The following CAPS2 variants were observed in gnomAD, a reference collection of about 807,000 sequenced individuals.
The protein encoded by CAPS2 is calcyphosine 2, also known as calcyphosin-2.
A neutral mutation model predicts 86.5 loss-of-function variants in CAPS2; 98 were observed. The observed-to-expected ratio is 1.13, with a 90% CI of 0.96 to 1.34. The LOEUF (loss-of-function observed/expected upper bound fraction) is 1.34, where lower values mean the gene tolerates loss of function less well. Ranked by LOEUF, CAPS2 falls within the 40% of genes most tolerant of loss-of-function variation. The probability of loss-of-function intolerance (pLI) is 0.00; values close to 1 mark genes in which losing one functional copy is unlikely to be tolerated. For synonymous variants in CAPS2, 210 were observed against 225.1 expected (o/e 0.93, Z 0.60); for missense variants, 729 against 686.8 (o/e 1.06, Z -0.69).
chr12:75,298,397 A>C, intron 11 of CAPS2: 1 of 362,974 alleles, frequency 2.8e-6, no homozygotes, highest in Non-Finnish European at 5.0e-6. Flanking sequence ...GCTTTGAAGA[A>C]CTTTTCAAAG....
At chr12:75,310,652 C>T (rs546553238) in intron 7 of CAPS2, among the ~76,000 whole-genome samples, 273 of 152,186 alleles carry the variant, frequency 1.8e-3, no homozygotes, top group Non-Finnish European at 2.5e-3. Context: ...ACTTTCTCAC[C>T]CCTTGACCTT....
intron 1 of CAPS2, among the ~76,000 whole-genome samples, chr12:75,364,594 CAACA>C (rs2043840984): frequency 6.6e-6 from 1 of 152,092 alleles, no homozygotes; most frequent in Non-Finnish European, 1.5e-5. Flanking sequence ...ATATAAAAGC[CAACA>C]AACAAAAACA....
intron 1 of CAPS2, among the ~76,000 whole-genome samples, chr12:75,365,994 A>C (rs1185060036): frequency 6.6e-6 from 1 of 152,204 alleles, no homozygotes; most frequent in Non-Finnish European, 1.5e-5. Context: ...CCAGGGATAA[A>C]TATGAATCCA....
At chr12:75,370,393 C>T (rs1033618900) in intron 1 of CAPS2, 2 of 390,102 alleles carry the variant, frequency 5.1e-6, no homozygotes, top group South Asian at 5.4e-5. Context: ...ATTACAAATC[C>T]ATATGTGTAT....
rs531357408 is a variant in CAPS2 at position 75,346,422 on chromosome 12, G to T, written c.-394-23200C>A. ...TTTTTTTTTTTTGAGACGGAGTCTC[G>T]CCCTGTAACCCAGACTGGAGTACAG... is the stretch of plus-strand genomic sequence containing the variant. On this transcript the variant is annotated intron_variant, in intron 1 of 5. Coordinates refer to the CAPS2 transcript ENST00000551829. Among the ~76,000 whole-genome samples the T allele has an allele frequency of 7.4e-5, 11 of 149,636 alleles. No homozygotes were observed. In the South Asian group the frequency reaches 2.3e-3, roughly 32 times the overall value.
intron 16 of CAPS2, among the ~76,000 whole-genome samples, chr12:75,281,582 T>A (rs1236012182): frequency 6.6e-6 from 1 of 151,958 alleles, no homozygotes; most frequent in East Asian, 1.9e-4. Flanking sequence ...AGCATGCACA[T>A]AGCCATGAAA....
At chr12:75,339,268 T>C (rs969595347) in intron 1 of CAPS2, among the ~76,000 whole-genome samples, 2 of 152,150 alleles carry the variant, frequency 1.3e-5, no homozygotes, top group Non-Finnish European at 2.9e-5. Context: ...AGCACCTGTT[T>C]CTGGACTTTT....
At chr12:75,305,908 C>A in intron 7 of CAPS2, 1 of 894,702 alleles carries the variant, frequency 1.1e-6, no homozygotes, top group Non-Finnish European at 1.8e-6. Flanking sequence ...GTCCAACCTC[C>A]ACACCATGAA....
intron 7 of CAPS2, chr12:75,306,251 T>A: frequency 1.6e-6 from 1 of 638,504 alleles, no homozygotes; most frequent in South Asian, 1.8e-5. Flanking sequence ...AATCATGGAG[T>A]TCCTGGCCAG....
intron 16 of CAPS2, among the ~76,000 whole-genome samples, chr12:75,281,391 G>C (rs1165294798): frequency 6.6e-6 from 1 of 151,814 alleles, no homozygotes; most frequent in Non-Finnish European, 1.5e-5. Context: ...CTAGGTAAAT[G>C]ATAGTATATT....
intron 6 of CAPS2, among the ~76,000 whole-genome samples, chr12:75,314,896 T>A (rs1427816209): frequency 1.3e-5 from 2 of 152,124 alleles, no homozygotes; most frequent in African/African-American, 4.8e-5. Context: ...CAAGCAGAAG[T>A]GACACTGATG....
At chr12:75,334,859 G>C (rs751854473), upstream of CAPS2, 8 of 1,614,018 alleles carry the variant, frequency 5.0e-6, no homozygotes, top group Non-Finnish European at 6.8e-6. Flanking sequence ...CACAACGAAT[G>C]GCGTGGCAAA....
intron 1 of CAPS2, among the ~76,000 whole-genome samples, chr12:75,361,931 T>G (rs1463158120): frequency 2.0e-5 from 3 of 151,948 alleles, no homozygotes; most frequent in African/African-American, 7.3e-5. Context: ...TATAAAAACT[T>G]TAGAAGAAAA....
In CAPS2 at chr12:75,345,488, C is replaced by T. The variant is rs914119868; in HGVS notation, c.-394-22266G>A. ...GAGCTAACCTTCTTCTCTAGACTTA[C>T]CCATTTGTATAAGTTGAATTAATAT... is the stretch of plus-strand genomic sequence containing the variant. On this transcript the variant is annotated intron_variant, in intron 1 of 5. Transcript: ENST00000551829. Among the ~76,000 whole-genome samples, 11 of 152,186 alleles carry T rather than the reference C, an allele frequency of 7.2e-5. No homozygotes were observed. The South Asian group carries it at 1.9e-3, about 26-fold the overall frequency.
chr12:75,313,590 T>A (rs2039450036), intron 6 of CAPS2, among the ~76,000 whole-genome samples: 1 of 152,204 alleles, frequency 6.6e-6, no homozygotes, highest in Admixed American at 6.5e-5. Flanking sequence ...CTGGTAATCA[T>A]TTAATTCAAA....
chr12:75,364,140 T>C (rs1459853495), intron 1 of CAPS2, among the ~76,000 whole-genome samples: 1 of 152,252 alleles, frequency 6.6e-6, no homozygotes, highest in African/African-American at 2.4e-5. Context: ...GAGTCTCTTC[T>C]ATTAGACTTA....
chr12:75,298,841 CCA>C lies in CAPS2; in HGVS notation c.950+28_950+29del, dbSNP rs752262856. On this transcript the variant is annotated intron_variant, in intron 10 of 16. Coordinates refer to ENST00000393284, the Ensembl canonical transcript of CAPS2. ...TAGCTTCTCTCGGAAGTGAACATCT[CCA>C]GAGTTCTAACAATGTTTAATGGCAT... 3.1e-6 allele frequency: 5 copies of C among 1,587,406 alleles called. No homozygotes were observed. In the South Asian group the frequency reaches 5.5e-5, roughly 18 times the overall value.
At chr12:75,388,071 T>C (rs569038982) in intron 1 of CAPS2, among the ~76,000 whole-genome samples, 80 of 152,286 alleles carry the variant, frequency 5.3e-4, no homozygotes, top group Middle Eastern at 3.4e-3. Flanking sequence ...TCCCCACGTG[T>C]CATGGGAGAG....
chr12:75,369,627 A>T (rs1046646542), intron 1 of CAPS2: 1 of 984,428 alleles, frequency 1.0e-6, no homozygotes, highest in Non-Finnish European at 1.2e-6. Context: ...AAAATTCAAC[A>T]TGAAGAAATT....
Sources: gnomAD v4.1 joint callset for allele counts (sites outside exome capture counted in the v4.1 genomes callset) on GRCh38, gnomAD v4.1.1 for gene constraint, MANE v1.5 for transcripts, NCBI Gene and HGNC (gene_info 2026-07-23, HGNC 2026-07-21) for gene names.